Variants in PKN2 observed in about 807,000 individuals in gnomAD.
PKN2 encodes serine/threonine-protein kinase N2.
In PKN2, 38 loss-of-function variants were observed where a neutral mutation model predicts 119.1. The ratio of observed to expected loss-of-function variants is 0.32; its 90% confidence interval spans 0.25 to 0.42. The LOEUF (loss-of-function observed/expected upper bound fraction) is 0.42. PKN2 is among the 10% of genes least tolerant of loss of function. PKN2 has a pLI of 1.00. For synonymous variants in PKN2, 390 were observed against 384.9 expected, an observed-to-expected ratio of 1.01 and a Z score of -0.15; for missense variants, 850 against 1,165.1, an observed-to-expected ratio of 0.73 and a Z score of 3.94.
chr1:88,738,068 C>A (rs1388140799), intron 1 of PKN2, among the ~76,000 whole-genome samples: 1 of 152,044 alleles, frequency 6.6e-6, no homozygotes, highest in Non-Finnish European at 1.5e-5. Context: ...TCTCCAAATT[C>A]TCTTTATCAG....
At chr1:88,712,011 C>T (rs201471353) in intron 1 of PKN2, among the ~76,000 whole-genome samples, 1 of 151,888 alleles carries the variant, frequency 6.6e-6, no homozygotes, top group Non-Finnish European at 1.5e-5. Context: ...TTACTTTTTT[C>T]CCTCTAAGCC....
chr1:88,700,039 TC>T (rs1416296553), intron 1 of PKN2, among the ~76,000 whole-genome samples: 1 of 152,086 alleles, frequency 6.6e-6, no homozygotes, highest in Non-Finnish European at 1.5e-5. Context: ...CACCTTGGCC[TC>T]CCAAAGTGCT....
chr1:88,785,448 C>T (rs1670533672), intron 7 of PKN2, among the ~76,000 whole-genome samples: 1 of 152,078 alleles, frequency 6.6e-6, no homozygotes, highest in African/African-American at 2.4e-5. Context: ...GGTTTAGTGA[C>T]ACTTTAATAG....
intron 1 of PKN2, among the ~76,000 whole-genome samples, chr1:88,686,315 T>G (rs1666096561): frequency 6.6e-6 from 1 of 152,134 alleles, no homozygotes; most frequent in Non-Finnish European, 1.5e-5. Flanking sequence ...TTGGTACTTG[T>G]ATGTTATAGA....
At chr1:88,828,385 C>A in intron 18 of PKN2, 96 bp from the exon 19 acceptor site, 2 of 1,021,840 alleles carry the variant, frequency 2.0e-6, no homozygotes, top group Non-Finnish European at 2.9e-6. Context: ...CACAAATGTG[C>A]AACTTTAATT....
At chr1:88,705,253 TCTC>T (rs1463595583) in intron 1 of PKN2, among the ~76,000 whole-genome samples, 3 of 152,256 alleles carry the variant, frequency 2.0e-5, no homozygotes, top group Non-Finnish European at 4.4e-5. Flanking sequence ...ATAAAGCTAT[TCTC>T]CTGTTTTCTT....
chr1:88,832,847 G>C lies in PKN2; in HGVS notation c.2666G>C (p.Arg889Thr). The C allele has an allele frequency of 6.7e-7, 1 of 1,502,064 alleles. No homozygotes were observed. The highest frequency in any genetic ancestry group is 9.1e-7 in the Non-Finnish European group (1 of 1,094,170). The allele number at this position is 1,502,064 out of a possible 1,614,324, so 93.0% of individuals were successfully genotyped here. The change falls in exon 20 of 22, where the codon AGA becomes ACA. Residue 889 changes from arginine to threonine, a missense_variant. By Grantham distance (71) the Arg-to-Thr change is moderately conservative. Around this residue, in one of 9 missense-constraint regions of PKN2, gnomAD observed 95 missense variants for 150.2 expected, o/e 0.63. Coordinates refer to ENST00000370521, the MANE Select transcript of PKN2 (RefSeq NM_006256.4). ...TCTACAGAAGCCATTTCTATAATGA[G>C]AAGGGTAAGAATTAAAATAAGGATA... ...FLSTEAISIM[R>T]RLLRRNPERR... is the part of the protein sequence containing the mutation.
rs1394389542 is a variant in PKN2, at chr1:88,832,657, G to A, written c.2563-87G>A. On this transcript the variant is annotated intron_variant, in intron 19 of 21. Coordinates refer to ENST00000370521, the MANE Select transcript of PKN2 (RefSeq NM_006256.4). ...TTTTGTCTGTTTTTTCTTTTTCACT[G>A]CCTGGATCTTGGTTGTACTTTGAAT... 3 of 672,822 alleles carry A rather than the reference G, an allele frequency of 4.5e-6. No individual in the cohort carries two copies. The Admixed American group carries it at 7.6e-5, about 17-fold the overall frequency. 41.7% of individuals were successfully genotyped at this position (672,822 alleles called of 1,614,324 possible).
chr1:88,819,221 C>G (rs568625771), intron 16 of PKN2, among the ~76,000 whole-genome samples: 22 of 152,230 alleles, frequency 1.4e-4, no homozygotes, highest in Admixed American at 3.9e-4. Context: ...AAGAAACTGT[C>G]GTCAGAGTGA....
intron 8 of PKN2, among the ~76,000 whole-genome samples, chr1:88,798,702 C>T (rs915378326): frequency 2.0e-5 from 3 of 152,084 alleles, no homozygotes; most frequent in Admixed American, 2.0e-4. Context: ...GACTAACACA[C>T]GGAGTGGAGT....
Position 88,684,278 on chromosome 1 carries a change from C to A in PKN2, c.-303C>A. ...CGACAGGAGGAGCTGCAGCCGCGGCCGCAGCGCCCGCACGGAGAGGCTTGA... is the reference window on the plus strand; with the variant it reads ...CGACAGGAGGAGCTGCAGCCGCGGCAGCAGCGCCCGCACGGAGAGGCTTGA... On this transcript the variant is annotated 5_prime_UTR_variant, in exon 1 of 22. Transcript: ENST00000370521. 2.9e-6 allele frequency: 1 copy of A among 347,544 alleles called. No homozygotes were observed. Among genetic ancestry groups the A allele is most frequent in the South Asian group, 7.5e-5 (1 of 13,304 alleles). The allele number at this position is 347,544 out of a possible 1,614,324, so 21.5% of individuals were successfully genotyped here. A position where few individuals can be genotyped will look rare whatever the true frequency, so the allele number is the denominator to read the frequency against.
At chr1:88,773,964 C>A (rs1276008697) in intron 6 of PKN2, among the ~76,000 whole-genome samples, 1 of 152,120 alleles carries the variant, frequency 6.6e-6, no homozygotes, top group South Asian at 2.1e-4. Context: ...CACTCCTGAC[C>A]AACTGTCTAC....
chr1:88,784,682 G>A lies in PKN2; in HGVS notation c.1029G>A (p.Glu343=). 1 of 1,604,536 alleles carries A rather than the reference G, an allele frequency of 6.2e-7. No homozygotes were observed. The highest frequency in any genetic ancestry group is 1.7e-4 in the Middle Eastern group (1 of 6,010). The change falls in exon 7 of 22, where the codon GAG becomes GAA. Residue 343 remains glutamate (E), a synonymous_variant. Coordinates refer to ENST00000370521, the MANE Select transcript of PKN2 (RefSeq NM_006256.4). ...VRLMGCQDIL[E]NVPGRSKATS... ...TTATGGGCTGCCAAGATATCCTAGA[G>A]AATGTCCCTGGACGGTCAAAAGCAA... is the stretch of plus-strand genomic sequence containing the variant.
intron 8 of PKN2, among the ~76,000 whole-genome samples, chr1:88,791,467 G>C (rs913994593): frequency 6.6e-6 from 1 of 151,336 alleles, no homozygotes; most frequent in Non-Finnish European, 1.5e-5. Flanking sequence ...GAGTTGCCCA[G>C]GTTTTGAACT....
At chr1:88,712,988 TTG>T (rs1667296450) in intron 1 of PKN2, among the ~76,000 whole-genome samples, 1 of 151,702 alleles carries the variant, frequency 6.6e-6, no homozygotes, top group South Asian at 2.1e-4. Flanking sequence ...AGTGTTCTCA[TTG>T]TTCAGTTCCC....
intron 1 of PKN2, among the ~76,000 whole-genome samples, chr1:88,704,502 T>A (rs145168744): frequency 6.6e-6 from 1 of 152,320 alleles, no homozygotes; most frequent in East Asian, 1.9e-4. Flanking sequence ...TTGTGTAAAT[T>A]GCCTAAGAGA....
chr1:88,718,929 ACCAG>A (rs1667562500), intron 1 of PKN2, among the ~76,000 whole-genome samples: 2 of 152,184 alleles, frequency 1.3e-5, no homozygotes, highest in African/African-American at 4.8e-5. Flanking sequence ...AATAAACATT[ACCAG>A]TTTTGTTGAA....
chr1:88,762,389 C>G (rs567132976), intron 3 of PKN2, among the ~76,000 whole-genome samples: 1 of 152,298 alleles, frequency 6.6e-6, no homozygotes, highest in South Asian at 2.1e-4. Context: ...ACTATTGCCT[C>G]TGAGATAGGC....
chr1:88,820,540 A>T lies in PKN2; in HGVS notation c.2280-1401A>T, dbSNP rs55943190. Among the ~76,000 whole-genome samples the T allele has an allele frequency of 3.3e-3, 495 of 148,560 alleles. 1 individual carries two copies. Among genetic ancestry groups the T allele is most frequent in the Non-Finnish European group, 5.7e-3 (383 of 67,712 alleles). The stretch of plus-strand genomic sequence containing the variant: ...AAGAGCAAAACTCCATCTCAAAAAA[A>T]AAATAAATAAAATAAATAAATAAAA... On this transcript the variant is annotated intron_variant, in intron 16 of 21. Transcript: ENST00000370521.
Sources: allele counts gnomAD v4.1 joint callset (sites outside exome capture counted in the v4.1 genomes callset), GRCh38; gene constraint gnomAD v4.1.1; regional missense constraint gnomAD v4.1.1; transcripts MANE v1.5; gene names NCBI Gene and HGNC (gene_info 2026-07-23, HGNC 2026-07-21).